Variants in CENPO observed in about 807,000 individuals in gnomAD.
CENPO encodes centromere protein O.
In CENPO, 30 loss-of-function variants were observed where a neutral mutation model predicts 36.1. That is an observed-to-expected ratio of 0.83 (90% CI 0.62 to 1.13). The LOEUF is 1.13. CENPO is among the 50% of genes most tolerant of loss of function. The pLI is 0.00. For missense variants in CENPO, 349 were observed against 357.8 expected (o/e 0.98, Z 0.20); for synonymous variants, 171 against 142.3 (o/e 1.20, Z -1.44).
At chr2:24,804,917 G>C (rs1247291511) in intron 3 of CENPO, among the ~76,000 whole-genome samples, 1 of 152,224 alleles carries the variant, frequency 6.6e-6, no homozygotes, top group Non-Finnish European at 1.5e-5. Flanking sequence ...ATCCTGCAGA[G>C]TGTTTTCCAA....
Position 24,821,306 on chromosome 2 carries a change from A to AC in CENPO, c.*1988_*1989insC. 1 of 631,116 alleles carries AC rather than the reference A, an allele frequency of 1.6e-6. No homozygotes were observed. Among genetic ancestry groups the AC allele is most frequent in the Non-Finnish European group, 2.7e-6 (1 of 375,046 alleles). The allele number at this position is 631,116 out of a possible 1,614,324, so 39.1% of individuals were successfully genotyped here. ...TCTATTGTAACAGTAGGCACAGTATAGTCGGATCATCACATCAGCTGGGTT... is the reference window on the plus strand; with the variant it reads ...TCTATTGTAACAGTAGGCACAGTATACGTCGGATCATCACATCAGCTGGGTT... On this transcript the variant is annotated 3_prime_UTR_variant, in exon 8 of 8. Transcript: ENST00000380834.
At chr2:24,811,112 T>G (rs1191511574) in intron 3 of CENPO, among the ~76,000 whole-genome samples, 1 of 150,788 alleles carries the variant, frequency 6.6e-6, no homozygotes, top group Non-Finnish European at 1.5e-5. Flanking sequence ...CCTGGCTAAT[T>G]TTTGTATTTT....
chr2:24,804,717 C>G (rs1409203121), intron 3 of CENPO, among the ~76,000 whole-genome samples: 1 of 152,182 alleles, frequency 6.6e-6, no homozygotes, highest in African/African-American at 2.4e-5. Flanking sequence ...GATGGGCTTC[C>G]CTTTGTGGGT....
Position 24,821,089 on chromosome 2 carries a change from A to T in CENPO, c.*1771A>T, listed in dbSNP as rs1014483617. On this transcript the variant is annotated 3_prime_UTR_variant, in exon 8 of 8. Coordinates refer to ENST00000380834, the MANE Select transcript of CENPO (RefSeq NM_001322101.2). ...AGATTTACTCGGCATGGTAGTGGCC[A>T]GCTTCTAACACAGCTGGTATTTCAA... is the stretch of plus-strand genomic sequence containing the variant. The T allele has an allele frequency of 5.6e-6, 3 of 532,070 alleles. No individual in the cohort carries two copies. Among genetic ancestry groups the T allele is most frequent in the Non-Finnish European group, 9.8e-6 (3 of 305,956 alleles). The allele number at this position is 532,070 out of a possible 1,614,324, so 33.0% of individuals were successfully genotyped here.
In CENPO at chr2:24,820,572, T is replaced by G; in HGVS notation, c.*1254T>G. Reference sequence around the variant, plus strand: ...TTTCTTCCTGTGCTGAGGCTAGCTATTGCAGAGATTCTTTTCCACTTGCCC... The same window carrying G: ...TTTCTTCCTGTGCTGAGGCTAGCTAGTGCAGAGATTCTTTTCCACTTGCCC... On this transcript the variant is annotated 3_prime_UTR_variant, in exon 8 of 8. Coordinates refer to ENST00000380834, the MANE Select transcript of CENPO (RefSeq NM_001322101.2). 6.9e-7 allele frequency: 1 copy of G among 1,445,446 alleles called. No individual in the cohort carries two copies. Among genetic ancestry groups the G allele is most frequent in the Non-Finnish European group, 9.2e-7 (1 of 1,085,412 alleles). The allele number at this position is 1,445,446 out of a possible 1,614,324, so 89.5% of individuals were successfully genotyped here.
intron 3 of CENPO, among the ~76,000 whole-genome samples, chr2:24,807,718 T>C (rs956320027): frequency 6.6e-6 from 1 of 152,248 alleles, no homozygotes; most frequent in African/African-American, 2.4e-5. Flanking sequence ...CTGGCAGTTT[T>C]TGAAAGTGAT....
chr2:24,793,957 C>A lies in CENPO; in HGVS notation c.38C>A (p.Ser13Tyr). ...AACCCTTTACGTCCAGATGGCGAGT[C>A]CAAAGGAGGTATTCAGAGGGTCGCC... ...QANPLRPDGE[S>Y]KGGVLAHLER... Residue 13 changes from serine (S) to tyrosine (Y), a missense_variant, in exon 2 of 8, where the codon TCC becomes TAC. Ser to Tyr is a moderately radical substitution (Grantham distance 144, BLOSUM62 -2). Transcript: ENST00000380834. 2 of 1,613,620 alleles carry A rather than the reference C, an allele frequency of 1.2e-6. No individual in the cohort carries two copies. The highest frequency in any genetic ancestry group is 1.7e-6 in the Non-Finnish European group (2 of 1,179,534).
chr2:24,801,327 T>C (rs918927220), intron 3 of CENPO, among the ~76,000 whole-genome samples: 20 of 152,224 alleles, frequency 1.3e-4, no homozygotes, highest in African/African-American at 4.8e-4. Flanking sequence ...AGCTCTTTAG[T>C]TTAATTAGAT....
rs755912147 is a variant in CENPO, at chr2:24,820,139, C to T, written c.*821C>T. The T allele has an allele frequency of 1.1e-5, 12 of 1,104,390 alleles. No homozygotes were observed. The highest frequency in any genetic ancestry group is 9.2e-5 in the South Asian group (5 of 54,324). The allele number at this position is 1,104,390 out of a possible 1,614,324, so 68.4% of individuals were successfully genotyped here. On this transcript the variant is annotated 3_prime_UTR_variant, in exon 8 of 8. Coordinates refer to ENST00000380834, the MANE Select transcript of CENPO (RefSeq NM_001322101.2). ...CCTGGAGAGGGAGGGGGAGCAAGAA[C>T]GTGGCGTTACGGGGGGAGCCTAGAC...
chr2:24,812,042 C>T (rs1449234369), intron 3 of CENPO, among the ~76,000 whole-genome samples: 5 of 152,230 alleles, frequency 3.3e-5, no homozygotes, highest in African/African-American at 1.2e-4. Flanking sequence ...TTTCACATTT[C>T]CATCTGCGAT....
intron 7 of CENPO, among the ~76,000 whole-genome samples, chr2:24,818,556 T>TAATC (rs1196433673): frequency 2.0e-5 from 3 of 152,210 alleles, no homozygotes; most frequent in South Asian, 2.1e-4. Flanking sequence ...TAGGATAAAA[T>TAATC]AATCAGAGTT....
chr2:24,810,798 G>A (rs898419411), intron 3 of CENPO, among the ~76,000 whole-genome samples: 2 of 151,544 alleles, frequency 1.3e-5, no homozygotes, highest in East Asian at 2.0e-4. Flanking sequence ...GTGAACCACC[G>A]CACCCGGCCT....
rs1292426850 is a variant in CENPO, at chr2:24,820,988, A to C, written c.*1670A>C. 2 of 1,252,422 alleles carry C rather than the reference A, an allele frequency of 1.6e-6. No homozygotes were observed. The allele number at this position is 1,252,422 out of a possible 1,614,324, so 77.6% of individuals were successfully genotyped here. On this transcript the variant is annotated 3_prime_UTR_variant, in exon 8 of 8. Coordinates refer to ENST00000380834, the MANE Select transcript of CENPO (RefSeq NM_001322101.2). ...TCCTCATTCAACTTGGCTGTATGCT[A>C]TTGGAGGGTGGAAATCACATCTCCT...
At chr2:24,818,313 C>G (rs1667056737) in intron 7 of CENPO, among the ~76,000 whole-genome samples, 1 of 152,106 alleles carries the variant, frequency 6.6e-6, no homozygotes, top group Non-Finnish European at 1.5e-5. Context: ...TGTTGAGAAA[C>G]ACTGATCTAA....
chr2:24,808,204 G>A (rs1413698110), intron 3 of CENPO, among the ~76,000 whole-genome samples: 1 of 151,856 alleles, frequency 6.6e-6, no homozygotes, highest in South Asian at 2.1e-4. Flanking sequence ...TCTTTTCCAG[G>A]TATTTTATTT....
chr2:24,821,834 T>C lies in CENPO; in HGVS notation c.*2516T>C. ...TGTGACAAAGTTCACGTAGCAGGTC[T>C]AGGCAAAGACTGGGCAATTGAGCAG... On this transcript the variant is annotated 3_prime_UTR_variant, in exon 8 of 8. Transcript: ENST00000380834. 1 of 748,440 alleles carries C rather than the reference T, an allele frequency of 1.3e-6. No individual in the cohort carries two copies. The highest frequency in any genetic ancestry group is 4.2e-4 in the Middle Eastern group (1 of 2,394). 46.4% of individuals were successfully genotyped at this position (748,440 alleles called of 1,614,324 possible). A position where few individuals can be genotyped will look rare whatever the true frequency, so the allele number is the denominator to read the frequency against.
intron 3 of CENPO, 130 bp from the exon 4 acceptor site, chr2:24,814,246 C>G (rs1381761090): frequency 1.5e-6 from 1 of 682,630 alleles, no homozygotes; most frequent in African/African-American, 1.8e-5. Flanking sequence ...CAATAACTGA[C>G]CGGCCACTGT....
At position 24,808,885 on chromosome 2, in the gene CENPO, C is replaced by CTT. The variant is rs777345119; in HGVS notation, c.217-5480_217-5479dup. 2.5e-4 allele frequency among the ~76,000 whole-genome samples: 35 copies of CTT among 142,392 alleles called. 1 individual carries two copies. The South Asian group carries it at 7.3e-3, about 30-fold the overall frequency. The allele number at this position is 142,392 out of a possible 152,430, so 93.4% of individuals were successfully genotyped here. On this transcript the variant is annotated intron_variant, in intron 3 of 7. Coordinates refer to ENST00000380834, the MANE Select transcript of CENPO (RefSeq NM_001322101.2). ...TCAGAAAGCAGGTTGAGACATTTTC[C>CTT]TTTTTTTTTTTTCTATTCTTTGAAA...
At chr2:24,800,580 G>C in intron 3 of CENPO, among the ~76,000 whole-genome samples, 1 of 149,400 alleles carries the variant, frequency 6.7e-6, no homozygotes, top group East Asian at 2.0e-4. Flanking sequence ...TGCGGTGTTT[G>C]GTTTTTTGTC....
Sources: allele counts gnomAD v4.1 joint callset (sites outside exome capture counted in the v4.1 genomes callset), GRCh38; gene constraint gnomAD v4.1.1; transcripts MANE v1.5; gene names NCBI Gene and HGNC (gene_info 2026-07-23, HGNC 2026-07-21).